The following CMTM8 variants were observed in gnomAD, a reference collection of about 807,000 sequenced individuals.
The protein encoded by CMTM8 is CKLF-like MARVEL transmembrane domain-containing protein 8.
CMTM8 carries 12 observed loss-of-function variants against 18.6 expected under a neutral mutation model. The ratio of observed to expected loss-of-function variants is 0.65; its 90% CI spans 0.41 to 1.05. CMTM8 has a LOEUF of 1.05. Among genes scored for constraint, CMTM8 ranks in the 50% least tolerant of loss-of-function variants. The pLI is 0.00. For synonymous variants in CMTM8, 87 were observed against 90.6 expected (o/e 0.96, Z 0.23); for missense variants, 217 against 227.2 (o/e 0.95, Z 0.29).
intron 1 of CMTM8, among the ~76,000 whole-genome samples, chr3:32,248,657 C>G (rs909677594): frequency 2.7e-4 from 41 of 151,904 alleles, no homozygotes; most frequent in African/African-American, 9.9e-4. Context: ...AGCCACCACA[C>G]CTGGCCCATG....
intron 1 of CMTM8, among the ~76,000 whole-genome samples, chr3:32,257,509 A>G (rs2125535179): frequency 6.6e-6 from 1 of 152,226 alleles, no homozygotes; most frequent in African/African-American, 2.4e-5. Context: ...AATTTTCTAG[A>G]AAAATTACAC....
chr3:32,275,622 A>G (rs2125546381), intron 1 of CMTM8, among the ~76,000 whole-genome samples: 1 of 150,134 alleles, frequency 6.7e-6, no homozygotes, highest in Non-Finnish European at 1.5e-5. Flanking sequence ...TGTGAGGAGC[A>G]CAAAGGCCCC....
rs190204452 is a variant in CMTM8 at position 32,290,821 on chromosome 3, T to C, written c.147+51702T>C. On this transcript the variant is annotated intron_variant, in intron 1 of 3. Transcript: ENST00000307526. ...AAGGCAGACTGATTATATAAGCATC[T>C]GGTTAGACCAAGTGCAGGCCAACTA... Among the ~76,000 whole-genome samples, 131 of 152,358 alleles carry C rather than the reference T, an allele frequency of 8.6e-4. 1 individual carries two copies. Among genetic ancestry groups the C allele is most frequent in the African/African-American group, 3.0e-3 (126 of 41,582 alleles).
rs188077435 is a variant in CMTM8 at position 32,252,276 on chromosome 3, G to A, written c.147+13157G>A. Among the ~76,000 whole-genome samples, 36 of 152,078 alleles carry A rather than the reference G, an allele frequency of 2.4e-4. No homozygotes were observed. The East Asian group carries it at 4.8e-3, about 20-fold the overall frequency. On this transcript the variant is annotated intron_variant, in intron 1 of 3. Coordinates refer to ENST00000307526, the MANE Select transcript of CMTM8 (RefSeq NM_178868.5). ...GTTCTATTCCTGTGTGAATTCCCAG[G>A]CCCTTTTAATTATTATAGTGTTATC...
At chr3:32,309,643 T>C (rs1323704718) in intron 1 of CMTM8, among the ~76,000 whole-genome samples, 1 of 152,110 alleles carries the variant, frequency 6.6e-6, no homozygotes, top group Non-Finnish European at 1.5e-5. Context: ...TGCTGGACTC[T>C]TGTGTCCATG....
chr3:32,286,459 CTA>C (rs907473727), intron 1 of CMTM8, among the ~76,000 whole-genome samples: 1 of 152,062 alleles, frequency 6.6e-6, no homozygotes, highest in African/African-American at 2.4e-5. Flanking sequence ...GCTGTGGAAA[CTA>C]TATAATTTGG....
chr3:32,320,748 C>T (rs1696028321), intron 1 of CMTM8, among the ~76,000 whole-genome samples: 1 of 152,044 alleles, frequency 6.6e-6, no homozygotes, highest in South Asian at 2.1e-4. Flanking sequence ...CAGTGCAGCA[C>T]CGGGGTGGGG....
At chr3:32,369,527 A>T (rs1266914652) in intron 3 of CMTM8, among the ~76,000 whole-genome samples, 1 of 152,070 alleles carries the variant, frequency 6.6e-6, no homozygotes, top group African/African-American at 2.4e-5. Flanking sequence ...CACTCGACTC[A>T]TTTATGTGAA....
chr3:32,301,367 G>A (rs1695612795), intron 1 of CMTM8, among the ~76,000 whole-genome samples: 1 of 110,516 alleles, frequency 9.0e-6, no homozygotes, highest in Admixed American at 1.1e-4. Flanking sequence ...TACTTTGACA[G>A]CTGTATATAT....
At chr3:32,251,462 T>C (rs996386784) in intron 1 of CMTM8, among the ~76,000 whole-genome samples, 1 of 149,774 alleles carries the variant, frequency 6.7e-6, no homozygotes, top group Admixed American at 6.7e-5. Flanking sequence ...TACAGACACA[T>C]GCCACCACAC....
At chr3:32,244,409 C>T (rs1202214616) in intron 1 of CMTM8, among the ~76,000 whole-genome samples, 1 of 152,232 alleles carries the variant, frequency 6.6e-6, no homozygotes, top group African/African-American at 2.4e-5. Flanking sequence ...TAGCCTTGAG[C>T]TCCTGGCCTC....
In CMTM8 at chr3:32,241,283, C is replaced by T. The variant is rs998131736; in HGVS notation, c.147+2164C>T. ...TTTAGCTGGGATGCCCTCTTCCCTG[C>T]CTCCAATTATACATACCCTCTTCCT... On this transcript the variant is annotated intron_variant, in intron 1 of 3. Transcript: ENST00000307526. Among the ~76,000 whole-genome samples the T allele has an allele frequency of 4.6e-5, 7 of 152,174 alleles. No homozygotes were observed. In the East Asian group the frequency reaches 1.3e-3, roughly 29 times the overall value.
At chr3:32,369,695 G>A (rs757559108) in intron 3 of CMTM8, among the ~76,000 whole-genome samples, 189 bp from the exon 4 acceptor site, 33 of 152,140 alleles carry the variant, frequency 2.2e-4, no homozygotes, top group Non-Finnish European at 4.1e-4. Context: ...GATGTTCTCC[G>A]AAATAAAAAC....
chr3:32,239,558 T>A (rs1438794887), intron 1 of CMTM8, among the ~76,000 whole-genome samples: 1 of 152,120 alleles, frequency 6.6e-6, no homozygotes, highest in Admixed American at 6.6e-5. Flanking sequence ...ATTATCTCCC[T>A]GGTAGTAACA....
At chr3:32,283,714 C>G (rs756199860) in intron 1 of CMTM8, among the ~76,000 whole-genome samples, 1 of 152,112 alleles carries the variant, frequency 6.6e-6, no homozygotes, top group South Asian at 2.1e-4. Context: ...TCCCCTCTGT[C>G]CCACCCTCCA....
intron 1 of CMTM8, among the ~76,000 whole-genome samples, chr3:32,278,345 A>G (rs898762830): frequency 6.6e-6 from 1 of 152,196 alleles, no homozygotes; most frequent in African/African-American, 2.4e-5. Flanking sequence ...AGCGGATGGT[A>G]TGGACAAACT....
chr3:32,303,334 A>T (rs1394773440), intron 1 of CMTM8, among the ~76,000 whole-genome samples: 1 of 152,218 alleles, frequency 6.6e-6, no homozygotes, highest in East Asian at 1.9e-4. Context: ...CTTCAAGGCC[A>T]TTATCATATC....
intron 1 of CMTM8, among the ~76,000 whole-genome samples, chr3:32,306,624 A>T (rs538269343): frequency 6.6e-6 from 1 of 152,240 alleles, no homozygotes; most frequent in Admixed American, 6.5e-5. Flanking sequence ...TGGAAGCTAT[A>T]TTCTCAGGAG....
At chr3:32,275,913 G>A (rs1156986555) in intron 1 of CMTM8, among the ~76,000 whole-genome samples, 1 of 152,118 alleles carries the variant, frequency 6.6e-6, no homozygotes, top group African/African-American at 2.4e-5. Flanking sequence ...GCCTCCCAAA[G>A]TCTGGGATCA....
Sources: gnomAD v4.1 joint callset for allele counts (sites outside exome capture counted in the v4.1 genomes callset) on GRCh38, gnomAD v4.1.1 for gene constraint, MANE v1.5 for transcripts, NCBI Gene and HGNC (gene_info 2026-07-23, HGNC 2026-07-21) for gene names.